The following SORCS2 variants were observed in gnomAD, a reference collection of about 807,000 sequenced individuals.
The protein encoded by SORCS2 is sortilin related VPS10 domain containing receptor 2, also known as VPS10 domain-containing receptor SorCS2.
Under a neutral mutation model 141.6 loss-of-function variants are expected in SORCS2, and 100 were observed. The ratio of observed to expected loss-of-function variants is 0.71; its 90% CI spans 0.60 to 0.83. The LOEUF (loss-of-function observed/expected upper bound fraction) is 0.83, where lower values mean the gene tolerates loss of function less well. Among genes scored for constraint, SORCS2 ranks in the 40% least tolerant of loss-of-function variants. The pLI is 0.00. For missense variants in SORCS2, 1,646 were observed against 1,560.2 expected (o/e 1.05, Z -0.93); for synonymous variants, 789 against 676.9 (o/e 1.17, Z -2.57).
At chr4:7,727,027 A>C in intron 21 of SORCS2, 124 bp downstream of exon 21, 4 of 709,710 alleles carry the variant, frequency 5.6e-6, no homozygotes, top group East Asian at 4.1e-5. Context: ...TGGGGTGGGG[A>C]GGGAGGGGCT....
At chr4:7,494,781 G>T (rs1317730857) in intron 2 of SORCS2, among the ~76,000 whole-genome samples, 1 of 11,474 alleles carries the variant, frequency 8.7e-5, no homozygotes, top group Non-Finnish European at 3.0e-3. Context: ...TAGACATGCA[G>T]TGGTTGGCGG....
intron 2 of SORCS2, among the ~76,000 whole-genome samples, chr4:7,477,917 A>G (rs1730400372): frequency 1.3e-5 from 2 of 152,266 alleles, no homozygotes; most frequent in South Asian, 4.2e-4. Flanking sequence ...AGGTAAACTG[A>G]TGCACAAAGT....
Position 7,453,628 on chromosome 4 carries a change from GTGTTGGGGTCAGGCAC to G in SORCS2, c.548+57277_548+57292del, listed in dbSNP as rs1355407679. ...GAGCTGTGTGTTGGGGTCAGGTGCT[GTGTTGGGGTCAGGCAC>G]TGTGTTGGGGTCAGGAGCTGTGTGT... On this transcript the variant is annotated intron_variant, in intron 2 of 26. Coordinates refer to ENST00000507866, the MANE Select transcript of SORCS2 (RefSeq NM_020777.3). 8.6e-4 allele frequency among the ~76,000 whole-genome samples: 118 copies of G among 137,956 alleles called. 1 individual carries two copies. Among genetic ancestry groups the G allele is most frequent in the African/African-American group, 2.9e-3 (102 of 35,176 alleles). 90.5% of individuals were successfully genotyped at this position (137,956 alleles called of 152,430 possible).
At chr4:7,231,128 G>C (rs1711851124) in intron 1 of SORCS2, among the ~76,000 whole-genome samples, 2 of 152,248 alleles carry the variant, frequency 1.3e-5, no homozygotes, top group Admixed American at 1.3e-4. Flanking sequence ...GAGGCTGGCA[G>C]GTCCAGAATC....
intron 5 of SORCS2, among the ~76,000 whole-genome samples, chr4:7,656,361 C>T (rs1283626714): frequency 5.3e-5 from 8 of 152,168 alleles, no homozygotes; most frequent in Admixed American, 2.6e-4. Flanking sequence ...GCAGCTGCCC[C>T]GCAGCCATCC....
intron 19 of SORCS2, among the ~76,000 whole-genome samples, chr4:7,724,142 ATGGTCGTGGTGGTGG>A (rs1726818207): frequency 1.2e-4 from 12 of 99,398 alleles, no homozygotes; most frequent in Admixed American, 2.2e-4. Context: ...GGTGGTGGTG[ATGGTCGTGGTGGTGG>A]TGGTGATGGT....
At chr4:7,385,659 C>A (rs1392196751) in intron 1 of SORCS2, among the ~76,000 whole-genome samples, 1 of 152,174 alleles carries the variant, frequency 6.6e-6, no homozygotes, top group South Asian at 2.1e-4. Context: ...GTGAGGGTGA[C>A]CCTCCTGAGA....
At chr4:7,476,802 C>G (rs1028809225) in intron 2 of SORCS2, among the ~76,000 whole-genome samples, 2 of 152,200 alleles carry the variant, frequency 1.3e-5, no homozygotes, top group Non-Finnish European at 1.5e-5. Context: ...CTCCACGACT[C>G]TGGTCATCAT....
At chr4:7,660,052 A>G (rs1301356966) in intron 5 of SORCS2, among the ~76,000 whole-genome samples, 1 of 152,210 alleles carries the variant, frequency 6.6e-6, no homozygotes, top group Non-Finnish European at 1.5e-5. Flanking sequence ...CAAGATAAGT[A>G]TGATAAGGCA....
At chr4:7,455,099 G>T (rs1388201738) in intron 2 of SORCS2, among the ~76,000 whole-genome samples, 1 of 97,632 alleles carries the variant, frequency 1.0e-5, no homozygotes, top group Non-Finnish European at 2.2e-5. Context: ...CAGGCACTGT[G>T]TTGGGGTCAG....
chr4:7,447,433 C>G (rs1577577630), intron 2 of SORCS2, among the ~76,000 whole-genome samples: 1 of 152,212 alleles, frequency 6.6e-6, no homozygotes, highest in African/African-American at 2.4e-5. Context: ...GTCCATTTTC[C>G]AGATGGGAAC....
intron 2 of SORCS2, chr4:7,434,000 A>T (rs372951415): frequency 6.2e-7 from 1 of 1,613,246 alleles, no homozygotes; most frequent in African/African-American, 1.3e-5. Flanking sequence ...CACACCTCAC[A>T]GGTCACACCG....
chr4:7,571,319 G>C (rs937508795), intron 3 of SORCS2, among the ~76,000 whole-genome samples: 2 of 152,220 alleles, frequency 1.3e-5, no homozygotes, highest in African/African-American at 4.8e-5. Flanking sequence ...CCTGTGCCCG[G>C]TGGAGAAGAA....
intron 1 of SORCS2, among the ~76,000 whole-genome samples, chr4:7,329,096 C>G (rs1237102200): frequency 6.6e-6 from 1 of 152,212 alleles, no homozygotes; most frequent in Non-Finnish European, 1.5e-5. Flanking sequence ...AGCCTGTGCC[C>G]CAGCCCTGGG....
chr4:7,252,745 C>G (rs1427395092), intron 1 of SORCS2, among the ~76,000 whole-genome samples: 2 of 152,206 alleles, frequency 1.3e-5, no homozygotes, highest in African/African-American at 4.8e-5. Context: ...CTGTTGCAGG[C>G]ATGGAGGGCC....
chr4:7,523,504 G>A (rs1284630154), intron 2 of SORCS2, among the ~76,000 whole-genome samples: 1 of 152,148 alleles, frequency 6.6e-6, no homozygotes, highest in Non-Finnish European at 1.5e-5. Context: ...GGAGGGGGTA[G>A]TACTGGGTTT....
intron 3 of SORCS2, among the ~76,000 whole-genome samples, chr4:7,592,882 T>C (rs1717010382): frequency 1.3e-5 from 2 of 152,354 alleles, no homozygotes; most frequent in South Asian, 2.1e-4. Flanking sequence ...TGGCTCATAG[T>C]AGTTGTAAAG....
chr4:7,225,799 TC>T lies in SORCS2; in HGVS notation c.480+32675del, dbSNP rs137915890. Among the ~76,000 whole-genome samples, 36 of 152,320 alleles carry T rather than the reference TC, an allele frequency of 2.4e-4. No individual in the cohort carries two copies. The East Asian group carries it at 6.8e-3, about 29-fold the overall frequency. On this transcript the variant is annotated intron_variant, in intron 1 of 26. Transcript: ENST00000507866. ...TCTCTGCTGTGGACCAGTTGGGGCT[TC>T]CTTCCAGCGTGGTGTCCGTACAGCA...
chr4:7,574,584 G>A (rs1715622548), intron 3 of SORCS2, among the ~76,000 whole-genome samples: 1 of 151,976 alleles, frequency 6.6e-6, no homozygotes, highest in African/African-American at 2.4e-5. Flanking sequence ...GGGGAAGGAG[G>A]GAGGGAGAGA....
Sources: allele counts gnomAD v4.1 joint callset (sites outside exome capture counted in the v4.1 genomes callset), GRCh38; gene constraint gnomAD v4.1.1; transcripts MANE v1.5; gene names NCBI Gene and HGNC (gene_info 2026-07-23, HGNC 2026-07-21).